FLT4: variants seen among roughly 807,000 people sequenced by gnomAD.
FLT4 encodes the protein fms related receptor tyrosine kinase 4, also known as vascular endothelial growth factor receptor 3.
Under a neutral mutation model 163.2 loss-of-function variants are expected in FLT4, and 30 were observed. The ratio of observed to expected loss-of-function variants is 0.18; its 90% CI spans 0.14 to 0.25. The LOEUF is 0.25. FLT4 is among the 10% of genes least tolerant of loss of function. The pLI, the probability that FLT4 is intolerant of heterozygous loss-of-function variation, is 1.00. For missense variants in FLT4, 1,510 were observed against 1,863.8 expected, an observed-to-expected ratio of 0.81 and a Z score of 3.50; for synonymous variants, 884 against 789.5, an observed-to-expected ratio of 1.12 and a Z score of -2.01.
intron 27 of FLT4, among the ~76,000 whole-genome samples, chr5:180,611,085 C>G (rs1252024892): frequency 2.6e-5 from 4 of 152,092 alleles, no homozygotes; most frequent in African/African-American, 4.8e-5. Context: ...ATAAAAAGTA[C>G]CCTTGATGTT....
Position 180,602,047 on chromosome 5 carries a change from G to A in FLT4, c.*1145C>T, listed in dbSNP as rs1007221731. ...GCCTCCAGCCTTCAGGGGATCTCTC[G>A]GCTGCTCCTCTGGGAGGGCGGCATT... is the stretch of plus-strand genomic sequence containing the variant. On this transcript the variant is annotated 3_prime_UTR_variant, in exon 30 of 30. Transcript: ENST00000261937. 7.3e-5 allele frequency: 17 copies of A among 233,398 alleles called. No individual in the cohort carries two copies. Among genetic ancestry groups the A allele is most frequent in the African/African-American group, 3.1e-4 (14 of 45,474 alleles). 14.5% of individuals were successfully genotyped at this position (233,398 alleles called of 1,614,324 possible).
chr5:180,608,873 G>A (rs146240153), intron 29 of FLT4, 95 bp downstream of exon 29: 20 of 1,098,598 alleles, frequency 1.8e-5, no homozygotes, highest in Middle Eastern at 2.0e-4. Flanking sequence ...GAAAGGTTCC[G>A]GGAAGAGGGC....
chr5:180,630,594 C>G lies in FLT4; in HGVS notation c.361G>C (p.Glu121Gln). 1 of 1,613,004 alleles carries G rather than the reference C, an allele frequency of 6.2e-7. No homozygotes were observed. The highest frequency in any genetic ancestry group is 8.5e-7 in the Non-Finnish European group (1 of 1,179,972). Residue 121 changes from glutamate (E) to glutamine (Q), a missense_variant, in exon 3 of 30, where the codon GAG (glutamate) becomes CAG (glutamine). Around this residue, in one of 5 missense-constraint regions of FLT4, gnomAD observed 157 missense variants for 178.7 expected, o/e 0.88. Coordinates refer to ENST00000261937, the MANE Select transcript of FLT4 (RefSeq NM_182925.5). This position sits in a 1 kb window ranked among gnomAD's most constrained non-coding sequence, Gnocchi z 6.3. ...CYYKYIKARI[E>Q]GTTAASSYVF... is the part of the protein sequence containing the mutation. The stretch of plus-strand genomic sequence containing the variant: ...TAGGAGCTGGCGGCCGTGGTGCCCT[C>G]GATGCGTGCCTTGATGTACTTGTAG...
chr5:180,636,232 T>G lies in FLT4; in HGVS notation c.59-4454A>C, dbSNP rs1764685936. On this transcript the variant is annotated intron_variant, in intron 1 of 29. Transcript: ENST00000261937. The surrounding 1 kb of genome is among the most constrained non-coding windows in gnomAD (Gnocchi z 4.3). ...CATGACATACCATAACTTATTCCAGTGACCCCTCTGCCTTTACCAACCTTC... is the reference window on the plus strand; with the variant it reads ...CATGACATACCATAACTTATTCCAGGGACCCCTCTGCCTTTACCAACCTTC... 6.6e-6 allele frequency among the ~76,000 whole-genome samples: 1 copy of G among 152,122 alleles called. No homozygotes were observed. Among genetic ancestry groups the G allele is most frequent in the Non-Finnish European group, 1.5e-5 (1 of 68,004 alleles).
At position 180,620,332 on chromosome 5, in the gene FLT4, G is replaced by A. The variant is rs1395959193; in HGVS notation, c.2407-24C>T. ...GGCTGCGGGGAGGGGACAGGGAGGA[G>A]TGGGGCAGCTCACTGATTTGGCCAT... On this transcript the variant is annotated intron_variant, in intron 16 of 29. Coordinates refer to ENST00000261937, the MANE Select transcript of FLT4 (RefSeq NM_182925.5). This position sits in a 1 kb window ranked among gnomAD's most constrained non-coding sequence, Gnocchi z 4.4. 3.1e-6 allele frequency: 5 copies of A among 1,608,730 alleles called. No individual in the cohort carries two copies. The highest frequency in any genetic ancestry group is 2.7e-5 in the African/African-American group (2 of 74,906).
chr5:180,629,956 C>G lies in FLT4; in HGVS notation c.663G>C (p.Leu221=). 1 of 1,612,872 alleles carries G rather than the reference C, an allele frequency of 6.2e-7. No homozygotes were observed. Among genetic ancestry groups the G allele is most frequent in the African/African-American group, 1.3e-5 (1 of 75,048 alleles). The change falls in exon 5 of 30, where the codon CTG becomes CTC. Residue 221 remains leucine, a synonymous_variant. Transcript: ENST00000261937. The part of the protein sequence containing the change: ...GDQDFLSNPF[L]VHITGNELYD... ...CAGCCCTGTTACCTGTGATGTGCAC[C>G]AGGAAGGGGTTGGAAAGGAAGTCCT...
In FLT4 at chr5:180,620,424, G is replaced by T; in HGVS notation, c.2407-116C>A. On this transcript the variant is annotated intron_variant, in intron 16 of 29. Transcript: ENST00000261937. The surrounding 1 kb of genome is among the most constrained non-coding windows in gnomAD (Gnocchi z 4.4). ...ACTTCCTGCGGGGTTCTCAGTCAAG[G>T]AGGGGACAGAAAAAAAGACAGACAA... 1 of 1,394,626 alleles carries T rather than the reference G, an allele frequency of 7.2e-7. No homozygotes were observed. 86.4% of individuals were successfully genotyped at this position (1,394,626 alleles called of 1,614,324 possible).
chr5:180,646,538 C>T (rs1765503468), intron 1 of FLT4, among the ~76,000 whole-genome samples: 1 of 152,168 alleles, frequency 6.6e-6, no homozygotes, highest in Non-Finnish European at 1.5e-5. Context: ...GCAGACCCCA[C>T]CAGGAAGCCC....
intron 24 of FLT4, chr5:180,613,818 G>T (rs1481773420): frequency 1.8e-6 from 1 of 553,346 alleles, no homozygotes; most frequent in East Asian, 3.2e-5. Context: ...ATGTGAAAAG[G>T]CTCAGTCCTG....
At chr5:180,614,523 C>CA in intron 23 of FLT4, among the ~76,000 whole-genome samples, 1 of 152,104 alleles carries the variant, frequency 6.6e-6, no homozygotes, top group African/African-American at 2.4e-5. Context: ...CGCACCCCTG[C>CA]ACACTCTCAC....
At chr5:180,649,250 G>C (rs1269871352) in intron 1 of FLT4, among the ~76,000 whole-genome samples, 4 of 151,734 alleles carry the variant, frequency 2.6e-5, no homozygotes, top group African/African-American at 9.7e-5. Flanking sequence ...AGCTACCCCT[G>C]CGCCGAGGCG....
At chr5:180,616,535 G>A (rs748873509) in intron 22 of FLT4, 46 bp from the exon 23 acceptor site, 11 of 1,609,608 alleles carry the variant, frequency 6.8e-6, no homozygotes, top group Admixed American at 3.3e-5. Flanking sequence ...GCAGGCCCCT[G>A]GGGTAATACC....
intron 20 of FLT4, 35 bp from the exon 21 acceptor site, chr5:180,618,955 G>A (rs1163589522): frequency 6.4e-7 from 1 of 1,558,858 alleles, no homozygotes; most frequent in Non-Finnish European, 8.7e-7. Flanking sequence ...AGGGCGCCCA[G>A]TCGTCCGCCG....
chr5:180,610,104 C>A, intron 27 of FLT4, 79 bp from the exon 28 acceptor site: 2 of 1,602,324 alleles, frequency 1.2e-6, no homozygotes, highest in Non-Finnish European at 8.5e-7. Context: ...TCCCTGTGCC[C>A]CCTCTTCTCC....
In FLT4 at chr5:180,631,780, TG is replaced by T. The variant is rs765782365; in HGVS notation, c.59-3del. The stretch of plus-strand genomic sequence containing the variant: ...TCATGGAGTAGCCACTCACCAGGCC[TG>T]GGGTGGGAGACAGGGTCAGCGTGGT... On this transcript the variant is annotated splice_polypyrimidine_tract_variant and splice_region_variant and intron_variant, in intron 1 of 29. Transcript: ENST00000261937. 1.9e-6 allele frequency: 3 copies of T among 1,605,178 alleles called. No individual in the cohort carries two copies. Among genetic ancestry groups the T allele is most frequent in the Non-Finnish European group, 8.5e-7 (1 of 1,176,406 alleles).
At chr5:180,612,748 C>T (rs538815036) in intron 25 of FLT4, 137 bp from the exon 26 acceptor site, 29 of 722,952 alleles carry the variant, frequency 4.0e-5, no homozygotes, top group East Asian at 1.3e-4. Context: ...CAGCTACCCT[C>T]GTTCCTCCTT....
At chr5:180,638,273 T>A (rs1234637183) in intron 1 of FLT4, among the ~76,000 whole-genome samples, 1 of 152,206 alleles carries the variant, frequency 6.6e-6, no homozygotes, top group Non-Finnish European at 1.5e-5. Flanking sequence ...ACGTTTCCGA[T>A]GCTAAACTGC....
In FLT4 at chr5:180,624,048, G is replaced by A. The variant is rs2127823103; in HGVS notation, c.1435C>T (p.Gln479Ter). The change falls in exon 11 of 30, where the codon CAG (glutamine) becomes TAG (stop). Residue 479 changes from glutamine to a stop codon, truncating the protein, a stop_gained. Transcript: ENST00000261937. LOFTEE classifies it high-confidence loss of function. Reference sequence around the variant, plus strand: ...CGGCACTGTGGCATGAGGTCTTGCTGCTGCCGCCGCCGGCTGCCAGGACCA... The same window carrying A: ...CGGCACTGTGGCATGAGGTCTTGCTACTGCCGCCGCCGGCTGCCAGGACCA... ...FAQRSLRRRQ[Q>*]QDLMPQCRDW... 1 of 1,612,588 alleles carries A rather than the reference G, an allele frequency of 6.2e-7. No homozygotes were observed.
rs778664411 is a variant in FLT4, at chr5:180,631,700, C to T, written c.137G>A (p.Ser46Asn). The T allele has an allele frequency of 2.4e-5, 39 of 1,609,870 alleles. No homozygotes were observed. In the East Asian group the frequency reaches 8.5e-4, roughly 35 times the overall value. Reference sequence around the variant, plus strand: ...CCAGTACCTGCAGGAGATGGACAGGCTGTCACCGGTGTCGATGACGTGTGA... The same window carrying T: ...CCAGTACCTGCAGGAGATGGACAGGTTGTCACCGGTGTCGATGACGTGTGA... ...EESHVIDTGD[S>N]LSISCRGQHP... is the part of the protein sequence containing the mutation. The change falls in exon 2 of 30, where the codon AGC (serine) becomes AAC (asparagine). Residue 46 changes from serine to asparagine, a missense_variant. This residue lies in a region of FLT4 where 157 missense variants were observed against 178.7 expected (regional missense o/e 0.88). Transcript: ENST00000261937.
Sources: allele counts gnomAD v4.1 joint callset (sites outside exome capture counted in the v4.1 genomes callset), GRCh38; gene constraint gnomAD v4.1.1; regional missense constraint gnomAD v4.1.1; non-coding constraint Gnocchi (gnomAD v3.1); transcripts MANE v1.5; gene names NCBI Gene and HGNC (gene_info 2026-07-23, HGNC 2026-07-21).